Variants in MAGI1 observed in about 807,000 individuals in gnomAD.
MAGI1 encodes the protein membrane associated guanylate kinase, WW and PDZ domain containing 1.
A neutral mutation model predicts 139.9 loss-of-function variants in MAGI1; 58 were observed. The ratio of observed to expected loss-of-function variants is 0.41; its 90% CI spans 0.34 to 0.52. MAGI1 has a LOEUF of 0.52. Ranked by LOEUF, MAGI1 falls within the 20% of genes least tolerant of loss-of-function variation. MAGI1 has a pLI of 0.12. For missense variants in MAGI1, 1,874 were observed against 1,901.6 expected (o/e 0.99, Z 0.27); for synonymous variants, 812 against 737.9 (o/e 1.10, Z -1.63).
intron 1 of MAGI1, among the ~76,000 whole-genome samples, chr3:66,007,783 A>G (rs186353610): frequency 3.7e-5 from 5 of 133,460 alleles, no homozygotes; most frequent in Admixed American, 3.6e-4. Flanking sequence ...ATTTCAGTGT[A>G]TTTGCTATAC....
chr3:65,379,134 A>G, intron 17 of MAGI1, 127 bp downstream of exon 17: 1 of 1,544,856 alleles, frequency 6.5e-7, no homozygotes, highest in Non-Finnish European at 8.7e-7. Context: ...TTAAGTCTTT[A>G]ATTACCCAGA....
intron 1 of MAGI1, among the ~76,000 whole-genome samples, chr3:65,921,532 A>C (rs765077863): frequency 6.6e-6 from 1 of 151,926 alleles, no homozygotes; most frequent in African/African-American, 2.4e-5. Flanking sequence ...CTGGTCTCGA[A>C]CTTCTGGCTT....
chr3:65,430,093 G>C lies in MAGI1; in HGVS notation c.1594C>G (p.His532Asp). The C allele has an allele frequency of 6.2e-7, 1 of 1,613,712 alleles. No homozygotes were observed. Among genetic ancestry groups the C allele is most frequent in the Non-Finnish European group, 8.5e-7 (1 of 1,179,784 alleles). Residue 532 changes from histidine to aspartate, a missense_variant, in exon 12 of 23, where the codon CAT (histidine) becomes GAT (aspartate). Physicochemically the swap from His to Asp is moderately conservative, Grantham distance 81. This residue lies in a region of MAGI1 where 86 missense variants were observed against 130.0 expected (regional missense o/e 0.66). Coordinates refer to ENST00000402939, the MANE Select transcript of MAGI1 (RefSeq NM_001033057.2). ...VNDTCVLGHTHAQVVKIFQSI... is the reference protein window; with the variant it reads ...VNDTCVLGHTDAQVVKIFQSI... ...TGGAAGATCTTCACAACTTGAGCAT[G>C]TGTGTGTCCCAAAACACAGGTGTCA...
At chr3:65,590,296 C>A (rs1418532658) in intron 2 of MAGI1, among the ~76,000 whole-genome samples, 1 of 152,142 alleles carries the variant, frequency 6.6e-6, no homozygotes, top group Non-Finnish European at 1.5e-5. Context: ...CTATTTTGTA[C>A]ATCTTTGTAT....
chr3:65,411,442 C>T (rs1451962623), intron 12 of MAGI1, among the ~76,000 whole-genome samples: 1 of 152,120 alleles, frequency 6.6e-6, no homozygotes, highest in Non-Finnish European at 1.5e-5. Context: ...CCTGATAGCC[C>T]CATGCAGTTC....
intron 13 of MAGI1, among the ~76,000 whole-genome samples, chr3:65,400,831 AAAC>A (rs1366451866): frequency 1.1e-4 from 16 of 147,030 alleles, no homozygotes; most frequent in African/African-American, 4.0e-4. Flanking sequence ...AAAGCTGGCA[AAAC>A]AACAAAGGAC....
At chr3:65,938,238 A>C (rs2063153263) in intron 1 of MAGI1, among the ~76,000 whole-genome samples, 1 of 150,722 alleles carries the variant, frequency 6.6e-6, no homozygotes, top group African/African-American at 2.4e-5. Flanking sequence ...TTACTTGGGG[A>C]AACAATTTTG....
intron 1 of MAGI1, among the ~76,000 whole-genome samples, chr3:66,013,141 C>T (rs1344521855): frequency 1.3e-5 from 2 of 152,102 alleles, no homozygotes; most frequent in East Asian, 3.9e-4. Flanking sequence ...CAGCGGCTCA[C>T]GCCTGCAATC....
intron 1 of MAGI1, among the ~76,000 whole-genome samples, chr3:65,867,679 G>A (rs1004501084): frequency 6.6e-6 from 1 of 152,294 alleles, no homozygotes; most frequent in South Asian, 2.1e-4. Context: ...CATGAGCCTA[G>A]AAGTGCAAGG....
At chr3:65,930,146 C>T (rs1308181179) in intron 1 of MAGI1, among the ~76,000 whole-genome samples, 1 of 151,370 alleles carries the variant, frequency 6.6e-6, no homozygotes, top group Non-Finnish European at 1.5e-5. Context: ...GAAACCCTGT[C>T]TCTACTGAAA....
At chr3:65,366,025 A>G (rs1039327089) in intron 18 of MAGI1, among the ~76,000 whole-genome samples, 1 of 152,140 alleles carries the variant, frequency 6.6e-6, no homozygotes, top group African/African-American at 2.4e-5. Flanking sequence ...CATGACACAT[A>G]GTGGTTAAAA....
intron 5 of MAGI1, among the ~76,000 whole-genome samples, chr3:65,462,301 TGTAA>T (rs1235225120): frequency 6.6e-6 from 1 of 152,162 alleles, no homozygotes; most frequent in Non-Finnish European, 1.5e-5. Context: ...TTGTATAAGG[TGTAA>T]GTAAGAGATC....
intron 21 of MAGI1, among the ~76,000 whole-genome samples, chr3:65,361,839 A>G (rs950739322): frequency 2.0e-5 from 3 of 152,168 alleles, no homozygotes; most frequent in Non-Finnish European, 2.9e-5. Context: ...TCCCATGATA[A>G]TGAAATGAGG....
intron 2 of MAGI1, among the ~76,000 whole-genome samples, chr3:65,564,158 C>A (rs558375641): frequency 6.6e-6 from 1 of 152,176 alleles, no homozygotes; most frequent in South Asian, 2.1e-4. Flanking sequence ...TCAGGAAAAA[C>A]CAACTGGAAC....
At chr3:65,423,743 T>A (rs963158626) in intron 12 of MAGI1, among the ~76,000 whole-genome samples, 3 of 152,180 alleles carry the variant, frequency 2.0e-5, no homozygotes, top group African/African-American at 4.8e-5. Flanking sequence ...GGCCTCAGCT[T>A]CCTCTTCTCC....
chr3:65,469,248 G>A (rs1404549), intron 5 of MAGI1, among the ~76,000 whole-genome samples: 43,508 of 151,754 alleles, frequency 0.29, 7,664 homozygotes, highest in East Asian at 0.73. Context: ...CCTCCCCTTC[G>A]TTATTGTTGA....
At chr3:65,607,651 G>C (rs1271702695) in intron 2 of MAGI1, among the ~76,000 whole-genome samples, 2 of 152,096 alleles carry the variant, frequency 1.3e-5, no homozygotes, top group African/African-American at 4.8e-5. Flanking sequence ...TACTACCCTG[G>C]ACAAGTAAAT....
intron 1 of MAGI1, among the ~76,000 whole-genome samples, chr3:65,923,225 T>TG (rs1560017655): frequency 1.3e-5 from 1 of 78,800 alleles, no homozygotes; most frequent in Non-Finnish European, 2.3e-5. Context: ...TCAACAGACA[T>TG]CTTTTTTTTT....
intron 1 of MAGI1, among the ~76,000 whole-genome samples, chr3:65,781,724 T>C (rs2038949963): frequency 1.3e-5 from 2 of 152,206 alleles, no homozygotes; most frequent in South Asian, 2.1e-4. Context: ...TTCTGGCCAA[T>C]AATGGCAACA....
Sources: allele counts gnomAD v4.1 joint callset (sites outside exome capture counted in the v4.1 genomes callset), GRCh38; gene constraint gnomAD v4.1.1; regional missense constraint gnomAD v4.1.1; transcripts MANE v1.5; gene names NCBI Gene and HGNC (gene_info 2026-07-23, HGNC 2026-07-21).